The following NUP155 variants were observed in gnomAD, a reference collection of about 807,000 sequenced individuals.
NUP155 encodes the protein nucleoporin 155, also known as nuclear pore complex protein Nup155.
In NUP155, 71 loss-of-function variants were observed where a neutral mutation model predicts 180.4. The observed-to-expected ratio is 0.39, with a 90% CI of 0.33 to 0.48. The LOEUF is 0.48. NUP155 is among the 20% of genes least tolerant of loss of function. NUP155 has a pLI of 0.91. For synonymous variants in NUP155, 582 were observed against 559.5 expected, an observed-to-expected ratio of 1.04 and a Z score of -0.57; for missense variants, 1,553 against 1,648.9, an observed-to-expected ratio of 0.94 and a Z score of 1.01.
At chr5:37,294,294 G>A in intron 33 of NUP155, 35 bp downstream of exon 33, 1 of 1,400,404 alleles carries the variant, frequency 7.1e-7, no homozygotes. Flanking sequence ...TTTAATTAAA[G>A]AAAATAATTT....
chr5:37,324,017 C>T lies in NUP155; in HGVS notation c.2182G>A (p.Ala728Thr), dbSNP rs1277637515. ...QEFLDRNSQF[A>T]GGPLGNPNTT... ...TTTGGATTTCCTAATGGTCCTCCTG[C>T]AAACTGGGAGTTTCTGTCTAGAAAT... Residue 728 changes from alanine (A) to threonine (T), a missense_variant, in exon 20 of 35, where the codon GCA (alanine) becomes ACA (threonine). Physicochemically the swap from Ala to Thr is moderately conservative, Grantham distance 58. Transcript: ENST00000231498. 6.2e-7 allele frequency: 1 copy of T among 1,611,978 alleles called. No individual in the cohort carries two copies. Among genetic ancestry groups the T allele is most frequent in the Non-Finnish European group, 8.5e-7 (1 of 1,178,102 alleles).
chr5:37,334,664 G>A (rs1407405438), intron 12 of NUP155, among the ~76,000 whole-genome samples: 2 of 152,058 alleles, frequency 1.3e-5, no homozygotes, highest in Non-Finnish European at 1.5e-5. Context: ...GATTACAGGC[G>A]TGAGCCACCA....
chr5:37,329,516 A>C (rs1177789853), intron 15 of NUP155, among the ~76,000 whole-genome samples: 3 of 152,238 alleles, frequency 2.0e-5, no homozygotes, highest in African/African-American at 7.2e-5. Context: ...ACTTCTAAGA[A>C]AAAGATATGC....
intron 11 of NUP155, 75 bp from the exon 12 acceptor site, chr5:37,337,993 T>C (rs1745452444): frequency 1.0e-6 from 1 of 972,646 alleles, no homozygotes; most frequent in Admixed American, 2.0e-5. Context: ...AATTATTAGG[T>C]TAGTGCAAAA....
intron 21 of NUP155, 83 bp from the exon 22 acceptor site, chr5:37,314,411 A>C: frequency 9.4e-7 from 1 of 1,067,686 alleles, no homozygotes; most frequent in East Asian, 2.6e-5. Flanking sequence ...GTTAAGGTTG[A>C]AATCCCTGTT....
intron 32 of NUP155, among the ~76,000 whole-genome samples, chr5:37,297,366 T>C (rs1310491286): frequency 6.6e-6 from 1 of 151,882 alleles, no homozygotes; most frequent in Admixed American, 6.6e-5. Flanking sequence ...AAAAGAACTA[T>C]GTACAATACA....
chr5:37,302,255 CAG>C (rs1742904968), intron 29 of NUP155, among the ~76,000 whole-genome samples: 1 of 152,084 alleles, frequency 6.6e-6, no homozygotes, highest in Admixed American at 6.5e-5. Flanking sequence ...TTTTTTGAGA[CAG>C]AGTCTCAGTC....
chr5:37,342,218 T>C (rs552895699), intron 10 of NUP155, among the ~76,000 whole-genome samples: 1 of 152,258 alleles, frequency 6.6e-6, no homozygotes, highest in African/African-American at 2.4e-5. Flanking sequence ...TTTGTATTTT[T>C]AGTAGAGACG....
rs551261649 is a variant in NUP155, at chr5:37,334,162, C to T, written c.1348-529G>A. Among the ~76,000 whole-genome samples the T allele has an allele frequency of 5.3e-5, 8 of 151,508 alleles. 1 individual carries two copies. The East Asian group carries it at 1.6e-3, about 30-fold the overall frequency. ...TGTCACCTAAGCTGGAGTGCGCTGG[C>T]ACGATCACAACTCACTGCAACCTCG... is the stretch of plus-strand genomic sequence containing the variant. On this transcript the variant is annotated intron_variant, in intron 12 of 34. Coordinates refer to ENST00000231498, the MANE Select transcript of NUP155 (RefSeq NM_153485.3).
chr5:37,364,084 G>A lies in NUP155; in HGVS notation c.296-100C>T, dbSNP rs1747391737. 6.2e-6 allele frequency: 7 copies of A among 1,132,206 alleles called. 1 individual carries two copies. The South Asian group carries it at 8.8e-5, about 14-fold the overall frequency. 70.1% of individuals were successfully genotyped at this position (1,132,206 alleles called of 1,614,324 possible). A position where few individuals can be genotyped will look rare whatever the true frequency, so the allele number is the denominator to read the frequency against. On this transcript the variant is annotated intron_variant, in intron 2 of 34. Transcript: ENST00000231498. ...TAATATTTACGTAAAAAATCACAAT[G>A]TGTCCACTCTTTAATACAACATGGA...
At chr5:37,303,152 AG>A in intron 28 of NUP155, 107 bp downstream of exon 28, 1 of 1,269,002 alleles carries the variant, frequency 7.9e-7, no homozygotes, top group South Asian at 1.3e-5. Flanking sequence ...TAAAAAATTT[AG>A]GTCAGTATAT....
chr5:37,344,333 C>T (rs1745935030), intron 9 of NUP155, among the ~76,000 whole-genome samples: 1 of 140,450 alleles, frequency 7.1e-6, no homozygotes, highest in Non-Finnish European at 1.5e-5. Context: ...CAGAGCAAAA[C>T]TCTGTCTCAA....
At chr5:37,320,046 G>A (rs1363198197) in intron 20 of NUP155, among the ~76,000 whole-genome samples, 1 of 152,072 alleles carries the variant, frequency 6.6e-6, no homozygotes, top group East Asian at 1.9e-4. Context: ...TCAGCCAGGT[G>A]TGGCAGCACA....
chr5:37,341,654 C>T (rs1186214070), intron 10 of NUP155, among the ~76,000 whole-genome samples: 1 of 152,188 alleles, frequency 6.6e-6, no homozygotes, highest in Non-Finnish European at 1.5e-5. Flanking sequence ...CATTCTCCTG[C>T]CTCAGCCTCC....
intron 22 of NUP155, among the ~76,000 whole-genome samples, chr5:37,313,266 A>G (rs950050009): frequency 2.0e-5 from 3 of 151,820 alleles, no homozygotes; most frequent in African/African-American, 7.3e-5. Context: ...CCCCGTCTCT[A>G]CTAAAATACA....
intron 19 of NUP155, among the ~76,000 whole-genome samples, chr5:37,325,558 T>TGGCCTGGGC (rs1744538292): frequency 6.6e-6 from 1 of 151,980 alleles, no homozygotes; most frequent in Non-Finnish European, 1.5e-5. Context: ...TGCTTGAGTC[T>TGGCCTGGGC]AGGAGTTTGA....
At chr5:37,323,194 AGAATTGCTTGAACCTGGGAG>A (rs1744362337) in intron 20 of NUP155, among the ~76,000 whole-genome samples, 1 of 135,004 alleles carries the variant, frequency 7.4e-6, no homozygotes, top group African/African-American at 3.9e-5. Flanking sequence ...CTGAGGCAGG[AGAATTGCTTGAACCTGGGAG>A]GCGGAGGTTG....
rs1259723573 is a variant in NUP155 at position 37,292,935 on chromosome 5, T to C, written c.3981A>G (p.Ile1327Met). Residue 1327 changes from isoleucine (I) to methionine (M), a missense_variant, in exon 34 of 35, where the codon ATA becomes ATG. By Grantham distance (10) the Ile-to-Met change is conservative. Transcript: ENST00000231498. The stretch of plus-strand genomic sequence containing the variant: ...CAACATATCTTATCAATAATACATG[T>C]ATACAATCCAAAAGGTGCAGTGGCT... ...MKKPLHLLDC[I>M]HVLLIRYVEN... The C allele has an allele frequency of 3.1e-6, 5 of 1,612,694 alleles. No individual in the cohort carries two copies. The highest frequency in any genetic ancestry group is 4.2e-6 in the Non-Finnish European group (5 of 1,179,020).
At chr5:37,300,886 T>G (rs927417947) in intron 30 of NUP155, 1 of 161,374 alleles carries the variant, frequency 6.2e-6, no homozygotes, top group Admixed American at 5.9e-5. Flanking sequence ...TGCAGTGCCA[T>G]GATCTCGGCT....
Sources: gnomAD v4.1 joint callset for allele counts (sites outside exome capture counted in the v4.1 genomes callset) on GRCh38, gnomAD v4.1.1 for gene constraint, MANE v1.5 for transcripts, NCBI Gene and HGNC (gene_info 2026-07-23, HGNC 2026-07-21) for gene names.